IQSEC1: variants seen among roughly 807,000 people sequenced by gnomAD.
The protein encoded by IQSEC1 is IQ motif and Sec7 domain ArfGEF 1, also known as IQ motif and SEC7 domain-containing protein 1.
A neutral mutation model predicts 91.0 loss-of-function variants in IQSEC1; 31 were observed. The ratio of observed to expected loss-of-function variants is 0.34; its 90% CI spans 0.26 to 0.46. The LOEUF (loss-of-function observed/expected upper bound fraction) is 0.46, where lower values mean the gene tolerates loss of function less well. IQSEC1 is among the 20% of genes least tolerant of loss of function. The pLI is 1.00. For synonymous variants in IQSEC1, 699 were observed against 662.6 expected, an observed-to-expected ratio of 1.05 and a Z score of -0.84; for missense variants, 1,388 against 1,575.6, an observed-to-expected ratio of 0.88 and a Z score of 2.02.
intron 2 of IQSEC1, among the ~76,000 whole-genome samples, chr3:13,143,722 G>A (rs1053485321): frequency 2.6e-5 from 4 of 152,128 alleles, no homozygotes; most frequent in East Asian, 1.9e-4. Context: ...TGTGGGTGCC[G>A]CCTCATCACT....
At position 12,898,898 on chromosome 3, in the gene IQSEC1, AAG is replaced by A. The variant is rs67409879; in HGVS notation, c.*2083_*2084del. On this transcript the variant is annotated 3_prime_UTR_variant, in exon 14 of 14. Coordinates refer to ENST00000613206, the MANE Select transcript of IQSEC1 (RefSeq NM_001134382.3). ...GCTTTGGGGAGCCTGGCTTTTAAAA[AAG>A]ACCCGAGAATTGATGAGTCGGAGAC... The A allele has an allele frequency of 0.047, 7,319 of 154,094 alleles. 234 individuals are homozygous for A. The highest frequency in any genetic ancestry group is 0.069 in the Non-Finnish European group (4,812 of 69,334). The allele number at this position is 154,094 out of a possible 1,614,324, so 9.5% of individuals were successfully genotyped here.
At chr3:13,018,048 G>A (rs1703223854) in intron 1 of IQSEC1, among the ~76,000 whole-genome samples, 1 of 152,226 alleles carries the variant, frequency 6.6e-6, no homozygotes, top group Admixed American at 6.5e-5. Flanking sequence ...CAGATGGGTT[G>A]TGAGGCTCAG....
chr3:12,967,716 A>G lies in IQSEC1; in HGVS notation c.24-25851T>C. 9.0e-7 allele frequency: 1 copy of G among 1,107,262 alleles called. No individual in the cohort carries two copies. Among genetic ancestry groups the G allele is most frequent in the Non-Finnish European group, 1.1e-6 (1 of 909,786 alleles). 68.6% of individuals were successfully genotyped at this position (1,107,262 alleles called of 1,614,324 possible). A position where few individuals can be genotyped will look rare whatever the true frequency, so the allele number is the denominator to read the frequency against. On this transcript the variant is annotated intron_variant, in intron 1 of 13. Coordinates refer to ENST00000613206, the MANE Select transcript of IQSEC1 (RefSeq NM_001134382.3). This position sits in a 1 kb window ranked among gnomAD's most constrained non-coding sequence, Gnocchi z 5.9. ...CGCAGCGCGAGGCCGGGCCGGAGGA[A>G]TGTGGCCCTGAAGTGGGCGGGGCAG... is the stretch of plus-strand genomic sequence containing the variant.
chr3:12,899,115 G>A lies in IQSEC1; in HGVS notation c.*1868C>T. On this transcript the variant is annotated 3_prime_UTR_variant, in exon 14 of 14. Coordinates refer to ENST00000613206, the MANE Select transcript of IQSEC1 (RefSeq NM_001134382.3). ...CTCTCTGGAGATTAACAAAGTGCTTGGTTTGCAGATTTGCTGGTACGGTGA... is the reference window on the plus strand; with the variant it reads ...CTCTCTGGAGATTAACAAAGTGCTTAGTTTGCAGATTTGCTGGTACGGTGA... 1.9e-6 allele frequency: 1 copy of A among 521,488 alleles called. No homozygotes were observed. Among genetic ancestry groups the A allele is most frequent in the Non-Finnish European group, 3.5e-6 (1 of 289,578 alleles). 32.3% of individuals were successfully genotyped at this position (521,488 alleles called of 1,614,324 possible).
chr3:13,190,989 G>A (rs357118), intron 1 of IQSEC1, among the ~76,000 whole-genome samples: 114,597 of 152,104 alleles, frequency 0.75, 43,325 homozygotes, highest in Non-Finnish European at 0.77. Flanking sequence ...TGATGCCTCC[G>A]ACAGCACCCC....
intron 1 of IQSEC1, among the ~76,000 whole-genome samples, chr3:12,975,494 C>T (rs11711893): frequency 6.6e-6 from 1 of 152,254 alleles, no homozygotes; most frequent in Non-Finnish European, 1.5e-5. Flanking sequence ...TACAGATACA[C>T]TGAGACTCAG....
intron 1 of IQSEC1, among the ~76,000 whole-genome samples, chr3:13,278,933 T>C (rs867815179): frequency 1.3e-5 from 2 of 152,142 alleles, no homozygotes; most frequent in African/African-American, 2.4e-5. Context: ...GGCAAGGCCA[T>C]GATTTCTGAG....
At chr3:13,125,960 G>A (rs1031323981) in intron 2 of IQSEC1, among the ~76,000 whole-genome samples, 2 of 152,212 alleles carry the variant, frequency 1.3e-5, no homozygotes, top group Non-Finnish European at 2.9e-5. Context: ...TGCACTGCAT[G>A]AGTCTTAATT....
chr3:13,069,127 A>G (rs968904623), intron 1 of IQSEC1, among the ~76,000 whole-genome samples: 3 of 152,220 alleles, frequency 2.0e-5, no homozygotes, highest in Non-Finnish European at 4.4e-5. Flanking sequence ...TTCTTGGAAA[A>G]TAGCCCAGTG....
intron 2 of IQSEC1, among the ~76,000 whole-genome samples, chr3:13,140,386 G>A (rs534399556): frequency 6.6e-6 from 1 of 152,348 alleles, no homozygotes; most frequent in East Asian, 1.9e-4. Context: ...CATACCTGGT[G>A]TCTGTCTTCA....
Position 12,908,995 on chromosome 3 carries a change from G to C in IQSEC1, c.2578+278C>G, listed in dbSNP as rs1009365764. On this transcript the variant is annotated intron_variant, in intron 11 of 13. Coordinates refer to ENST00000613206, the MANE Select transcript of IQSEC1 (RefSeq NM_001134382.3). This position sits in a 1 kb window ranked among gnomAD's most constrained non-coding sequence, Gnocchi z 4.9. ...GACGAGGTGCAGAGAGGCCAGCTGG[G>C]AACTCTGCGGGCTCTTGCGCACGGG... Among the ~76,000 whole-genome samples, 2 of 152,128 alleles carry C rather than the reference G, an allele frequency of 1.3e-5. No homozygotes were observed. Among genetic ancestry groups the C allele is most frequent in the African/African-American group, 4.8e-5 (2 of 41,422 alleles).
At chr3:13,018,088 G>A (rs1264483301) in intron 1 of IQSEC1, among the ~76,000 whole-genome samples, 1 of 152,194 alleles carries the variant, frequency 6.6e-6, no homozygotes, top group Non-Finnish European at 1.5e-5. Context: ...TCAGTGTGTG[G>A]GTGGGTGGCA....
chr3:13,186,759 G>T lies in IQSEC1; in HGVS notation c.273-22626C>A, dbSNP rs575112311. Among the ~76,000 whole-genome samples the T allele has an allele frequency of 1.1e-4, 17 of 152,238 alleles. No homozygotes were observed. In the East Asian group the frequency reaches 3.1e-3, roughly 28 times the overall value. ...TCCTCCCTGAGGCACAGGGGCTGGG[G>T]CTCCCTGCACTGGACGGCGACCCTT... On this transcript the variant is annotated intron_variant, in intron 1 of 15. Transcript: ENST00000648114.
At position 13,124,625 on chromosome 3, in the gene IQSEC1, G is replaced by C. The variant is rs539735692; in HGVS notation, c.302+39479C>G. Among the ~76,000 whole-genome samples, 6 of 152,300 alleles carry C rather than the reference G, an allele frequency of 3.9e-5. No individual in the cohort carries two copies. In the South Asian group the frequency reaches 1.2e-3, roughly 32 times the overall value. On this transcript the variant is annotated intron_variant, in intron 2 of 15. Coordinates refer to the IQSEC1 transcript ENST00000648114. ...CAAATTGAAGAGACATCCATGCTGT[G>C]GTGGCTAGGCAAGGCTGCCACATGT...
chr3:12,901,285 G>C lies in IQSEC1; in HGVS notation c.3043C>G (p.Pro1015Ala). 1.3e-6 allele frequency: 2 copies of C among 1,546,746 alleles called. No individual in the cohort carries two copies. Among genetic ancestry groups the C allele is most frequent in the Non-Finnish European group, 1.7e-6 (2 of 1,146,224 alleles). The change falls in exon 14 of 14, where the codon CCC (proline) becomes GCC (alanine). Residue 1015 changes from proline (P) to alanine (A), a missense_variant. Pro to Ala is a conservative substitution (Grantham distance 27). Transcript: ENST00000613206. ...GCGGCCTGCGGCAGCCCCTCTGGGG[G>C]CCCCAGGTGGTGGCCAGCCACAGAG... ...QHSVAGHHLG[P>A]PEGLPQAAMH...
intron 1 of IQSEC1, among the ~76,000 whole-genome samples, chr3:12,973,876 A>G (rs936997173): frequency 6.6e-6 from 1 of 152,080 alleles, no homozygotes. Context: ...TCATGTGGGG[A>G]CACATCCAAG....
At chr3:13,283,040 G>A (rs985884713) in exon 1 of IQSEC1, among the ~76,000 whole-genome samples, 4 of 145,126 alleles carry the variant, frequency 2.8e-5, no homozygotes, top group Non-Finnish European at 3.1e-5. Context: ...GGCGGCGGCG[G>A]CGCGGCCATG....
chr3:13,115,967 T>C (rs781569209), intron 2 of IQSEC1, among the ~76,000 whole-genome samples: 3 of 152,208 alleles, frequency 2.0e-5, no homozygotes, highest in Non-Finnish European at 4.4e-5. Flanking sequence ...CAGAATGCTA[T>C]GAAAGTTTAA....
intron 1 of IQSEC1, among the ~76,000 whole-genome samples, chr3:13,183,317 C>A (rs1477283244): frequency 6.6e-6 from 1 of 152,078 alleles, no homozygotes; most frequent in Non-Finnish European, 1.5e-5. Context: ...TAATGAGTTT[C>A]TCATGCTGGT....
Sources: gnomAD v4.1 joint callset for allele counts (sites outside exome capture counted in the v4.1 genomes callset) on GRCh38, gnomAD v4.1.1 for gene constraint, Gnocchi (gnomAD v3.1) non-coding constraint, MANE v1.5 for transcripts, NCBI Gene and HGNC (gene_info 2026-07-23, HGNC 2026-07-21) for gene names.